Variants in ROBO1 observed in about 807,000 individuals in gnomAD.
ROBO1 encodes the protein roundabout homolog 1.
A neutral mutation model predicts 195.9 loss-of-function variants in ROBO1; 149 were observed. The ratio of observed to expected loss-of-function variants is 0.76; its 90% confidence interval spans 0.67 to 0.87. ROBO1 has a LOEUF of 0.87. Among genes scored for constraint, ROBO1 ranks in the 40% least tolerant of loss-of-function variants. The pLI is 0.00. For synonymous variants in ROBO1, 816 were observed against 733.2 expected, an observed-to-expected ratio of 1.11 and a Z score of -1.82; for missense variants, 1,933 against 2,068.3, an observed-to-expected ratio of 0.93 and a Z score of 1.27.
intron 2 of ROBO1, among the ~76,000 whole-genome samples, chr3:79,447,716 G>A (rs1458189087): frequency 6.6e-6 from 1 of 152,048 alleles, no homozygotes; most frequent in East Asian, 1.9e-4. Context: ...CAGTCCATAA[G>A]TGTACTAATG....
At chr3:78,876,540 G>T (rs747017057) in intron 4 of ROBO1, among the ~76,000 whole-genome samples, 3 of 152,148 alleles carry the variant, frequency 2.0e-5, no homozygotes, top group Non-Finnish European at 4.4e-5. Context: ...TGATACAACT[G>T]ATGATTGTTA....
intron 3 of ROBO1, among the ~76,000 whole-genome samples, chr3:79,080,548 T>C (rs2079254025): frequency 6.6e-6 from 1 of 152,076 alleles, no homozygotes; most frequent in African/African-American, 2.4e-5. Flanking sequence ...TATAGGGATA[T>C]AAACTAAAGT....
intron 4 of ROBO1, among the ~76,000 whole-genome samples, chr3:78,902,225 T>C (rs1440093167): frequency 6.6e-6 from 1 of 152,180 alleles, no homozygotes. Flanking sequence ...AAATATATGC[T>C]TATATTTTTA....
At chr3:78,845,386 T>C (rs900797428) in intron 4 of ROBO1, among the ~76,000 whole-genome samples, 3 of 152,062 alleles carry the variant, frequency 2.0e-5, no homozygotes, top group Non-Finnish European at 2.9e-5. Context: ...ATTGTACCTT[T>C]TTCCTTTTCC....
rs2107531414 is a variant in ROBO1 at position 78,635,877 on chromosome 3, C to T, written c.3269G>A (p.Gly1090Asp). ...GTGCTTCTCGCCAGAGTCCCCGCTG[C>T]CATTGTTCATGTTGTTGCTGAGGTT... ...QSNLSNNMNN[G>D]SGDSGEKHWK... Residue 1090 changes from glycine (G) to aspartate (D), a missense_variant, in exon 23 of 31, where the codon GGC becomes GAC. By Grantham distance (94) the Gly-to-Asp change is moderately conservative. Coordinates refer to ENST00000464233, the MANE Select transcript of ROBO1 (RefSeq NM_002941.4). The T allele has an allele frequency of 6.2e-7, 1 of 1,613,836 alleles. No individual in the cohort carries two copies. Among genetic ancestry groups the T allele is most frequent in the South Asian group, 1.1e-5 (1 of 91,068 alleles).
intron 2 of ROBO1, among the ~76,000 whole-genome samples, chr3:79,399,697 A>T (rs1044443691): frequency 1.4e-4 from 21 of 152,160 alleles, no homozygotes; most frequent in Non-Finnish European, 1.2e-4. Context: ...AAACATCAAG[A>T]TTGTTTTTAA....
At chr3:78,784,833 A>T (rs1360410393) in intron 4 of ROBO1, among the ~76,000 whole-genome samples, 1 of 152,186 alleles carries the variant, frequency 6.6e-6, no homozygotes, top group East Asian at 1.9e-4. Context: ...CTAATTCAAT[A>T]ACTTAGAAAA....
At chr3:78,988,437 A>C (rs1380089615) in intron 3 of ROBO1, among the ~76,000 whole-genome samples, 1 of 152,114 alleles carries the variant, frequency 6.6e-6, no homozygotes, top group Non-Finnish European at 1.5e-5. Flanking sequence ...CATAATTCTC[A>C]AATCTCTATT....
At chr3:79,514,782 A>G (rs1378783857) in intron 2 of ROBO1, among the ~76,000 whole-genome samples, 3 of 152,254 alleles carry the variant, frequency 2.0e-5, no homozygotes, top group Non-Finnish European at 2.9e-5. Flanking sequence ...AAACACAGAC[A>G]CTAAAATGAA....
chr3:78,771,999 T>G (rs72892461), intron 4 of ROBO1, among the ~76,000 whole-genome samples: 1 of 151,962 alleles, frequency 6.6e-6, no homozygotes, highest in Non-Finnish European at 1.5e-5. Context: ...ACATAGGCAT[T>G]AAATATAATG....
chr3:79,437,861 C>T (rs966858610), intron 2 of ROBO1, among the ~76,000 whole-genome samples: 1 of 151,760 alleles, frequency 6.6e-6, no homozygotes, highest in Non-Finnish European at 1.5e-5. Flanking sequence ...AAGTTGTACA[C>T]TTGGTGTTTG....
At chr3:78,704,511 C>A (rs2081499884) in intron 8 of ROBO1, among the ~76,000 whole-genome samples, 1 of 151,842 alleles carries the variant, frequency 6.6e-6, no homozygotes, top group South Asian at 2.1e-4. Flanking sequence ...ATAAAGTCTA[C>A]AGTAAGCTAT....
chr3:79,508,573 T>C (rs776998717), intron 2 of ROBO1, among the ~76,000 whole-genome samples: 3 of 152,166 alleles, frequency 2.0e-5, no homozygotes, highest in Non-Finnish European at 2.9e-5. Flanking sequence ...ATTGCTTAAA[T>C]AAAAGCAATT....
chr3:79,484,563 T>C (rs1939047428), intron 2 of ROBO1, among the ~76,000 whole-genome samples: 2 of 151,874 alleles, frequency 1.3e-5, no homozygotes, highest in South Asian at 4.2e-4. Flanking sequence ...TTGGCTGAGA[T>C]TTAGAAATAA....
chr3:79,461,131 A>G (rs1445652221), intron 2 of ROBO1, among the ~76,000 whole-genome samples: 1 of 152,168 alleles, frequency 6.6e-6, no homozygotes, highest in African/African-American at 2.4e-5. Flanking sequence ...TACAACTTTC[A>G]TCAAGCTAAG....
intron 5 of ROBO1, among the ~76,000 whole-genome samples, chr3:78,718,865 A>G (rs1479923610): frequency 7.3e-6 from 1 of 136,956 alleles, no homozygotes; most frequent in East Asian, 2.5e-4. Context: ...GGAGGGAGGG[A>G]GAGAGGGAAA....
chr3:79,345,938 T>A (rs2035097609), intron 2 of ROBO1, among the ~76,000 whole-genome samples: 1 of 152,208 alleles, frequency 6.6e-6, no homozygotes, highest in South Asian at 2.1e-4. Flanking sequence ...ACTTGATGAA[T>A]TAATACAGCC....
intron 2 of ROBO1, among the ~76,000 whole-genome samples, chr3:79,445,606 C>G (rs548219287): frequency 6.7e-6 from 1 of 149,520 alleles, no homozygotes; most frequent in East Asian, 2.0e-4. Flanking sequence ...CTCAAGCAAT[C>G]CTATCTCACC....
intron 21 of ROBO1, among the ~76,000 whole-genome samples, chr3:78,642,332 A>G (rs1280679184): frequency 1.3e-5 from 2 of 152,178 alleles, no homozygotes; most frequent in Admixed American, 6.5e-5. Flanking sequence ...CTGCTAAATC[A>G]CAAAATAAAA....
Sources: allele counts gnomAD v4.1 joint callset (sites outside exome capture counted in the v4.1 genomes callset), GRCh38; gene constraint gnomAD v4.1.1; transcripts MANE v1.5; gene names NCBI Gene and HGNC (gene_info 2026-07-23, HGNC 2026-07-21).